The following PLXNA4 variants were observed in gnomAD, a reference collection of about 807,000 sequenced individuals.
The protein encoded by PLXNA4 is plexin A4, also known as plexin-A4.
A neutral mutation model predicts 191.8 loss-of-function variants in PLXNA4; 44 were observed. The ratio of observed to expected loss-of-function variants is 0.23; its 90% confidence interval spans 0.18 to 0.29. The LOEUF (loss-of-function observed/expected upper bound fraction) is 0.29, where lower values mean the gene tolerates loss of function less well. PLXNA4 is among the 10% of genes least tolerant of loss of function. PLXNA4 has a pLI of 1.00. For synonymous variants in PLXNA4, 1,082 were observed against 1,009.5 expected (o/e 1.07, Z -1.36); for missense variants, 1,800 against 2,488.8 (o/e 0.72, Z 5.89).
In PLXNA4 at chr7:132,211,065, T is replaced by A; in HGVS notation, c.2176A>T (p.Asn726Tyr). ...TGCCCAGACTGGGGCTGGGGGAGGTTCTTGGCCTTCAGCGTGATAGGCTTG... is the reference window on the plus strand; with the variant it reads ...TGCCCAGACTGGGGCTGGGGGAGGTACTTGGCCTTCAGCGTGATAGGCTTG... ...VIKPITLKAK[N>Y]LPQPQSGQRG... The change falls in exon 10 of 32, where the codon AAC becomes TAC. Residue 726 changes from asparagine (N) to tyrosine (Y), a missense_variant. This residue lies in a region of PLXNA4 where 1,397 missense variants were observed against 1,880.4 expected (regional missense o/e 0.74). Transcript: ENST00000321063. 1 of 1,610,704 alleles carries A rather than the reference T, an allele frequency of 6.2e-7. No individual in the cohort carries two copies. The highest frequency in any genetic ancestry group is 8.5e-7 in the Non-Finnish European group (1 of 1,178,504).
At chr7:132,489,917 G>A (rs1797717668) in intron 2 of PLXNA4, among the ~76,000 whole-genome samples, 1 of 152,218 alleles carries the variant, frequency 6.6e-6, no homozygotes, top group South Asian at 2.1e-4. Context: ...GAGGAATGTG[G>A]TCTTCGTATC....
At chr7:132,159,443 G>C (rs777185785) in intron 25 of PLXNA4, 30 bp downstream of exon 25, 4 of 1,611,370 alleles carry the variant, frequency 2.5e-6, no homozygotes, top group Middle Eastern at 1.6e-4. Flanking sequence ...GCAGCCACAA[G>C]GACAGCCCCT....
chr7:132,385,882 C>T lies in PLXNA4; in HGVS notation c.1372-87660G>A, dbSNP rs553014912. ...ATCATAAGCACAAATCAAAATCTAT[C>T]CACTCAATTAAATCTGAACCTAGCT... On this transcript the variant is annotated intron_variant, in intron 3 of 31. Transcript: ENST00000321063. Among the ~76,000 whole-genome samples, 3 of 152,308 alleles carry T rather than the reference C, an allele frequency of 2.0e-5. No homozygotes were observed. The South Asian group carries it at 6.2e-4, about 32-fold the overall frequency.
intron 1 of PLXNA4, among the ~76,000 whole-genome samples, chr7:132,521,011 G>C (rs1339499040): frequency 6.6e-6 from 1 of 152,050 alleles, no homozygotes; most frequent in Non-Finnish European, 1.5e-5. Context: ...AAATCAGGAA[G>C]TGAACAGTTG....
chr7:132,616,150 C>T (rs564532335), intron 2 of PLXNA4, among the ~76,000 whole-genome samples: 1 of 152,284 alleles, frequency 6.6e-6, no homozygotes, highest in Admixed American at 6.5e-5. Context: ...CTCTACCTGA[C>T]ACACACATGG....
chr7:132,444,809 A>AT (rs1795834528), intron 3 of PLXNA4, among the ~76,000 whole-genome samples: 1 of 151,476 alleles, frequency 6.6e-6, no homozygotes, highest in Non-Finnish European at 1.5e-5. Flanking sequence ...ATGCAAAATC[A>AT]TTCTTCTGGA....
chr7:132,404,499 G>A (rs1794128546), intron 3 of PLXNA4, among the ~76,000 whole-genome samples: 2 of 152,160 alleles, frequency 1.3e-5, no homozygotes, highest in Admixed American at 6.5e-5. Context: ...GGCAGAACAG[G>A]ATGGCCACAC....
intron 3 of PLXNA4, among the ~76,000 whole-genome samples, chr7:132,358,555 T>A (rs527579053): frequency 6.6e-6 from 1 of 152,342 alleles, no homozygotes; most frequent in African/African-American, 2.4e-5. Flanking sequence ...AATCTTTGGG[T>A]ATGGCCGTTT....
At chr7:132,635,170 T>TTATTTATATATATATATA (rs1470708373) in intron 2 of PLXNA4, among the ~76,000 whole-genome samples, 16 of 131,814 alleles carry the variant, frequency 1.2e-4, no homozygotes, top group Non-Finnish European at 1.9e-4. Context: ...AAACTCCCCT[T>TTATTTATATATATATATA]TATATATATA....
intron 3 of PLXNA4, among the ~76,000 whole-genome samples, chr7:132,416,252 G>A (rs1304366947): frequency 2.0e-5 from 3 of 152,168 alleles, no homozygotes; most frequent in Admixed American, 1.3e-4. Flanking sequence ...TTCCCATCTA[G>A]AAAGGACAAG....
At chr7:132,625,598 C>T (rs1803354626) in intron 2 of PLXNA4, among the ~76,000 whole-genome samples, 1 of 152,112 alleles carries the variant, frequency 6.6e-6, no homozygotes, top group Admixed American at 6.6e-5. Context: ...AGTTACAGGC[C>T]TGAGATCCCC....
At chr7:132,238,814 A>AGGG (rs5887557) in intron 5 of PLXNA4, among the ~76,000 whole-genome samples, 1 of 146,374 alleles carries the variant, frequency 6.8e-6, no homozygotes, top group African/African-American at 2.5e-5. Context: ...GAGTCACAAG[A>AGGG]GGGGGGGGGG....
At chr7:132,409,292 G>A (rs576886431) in intron 3 of PLXNA4, among the ~76,000 whole-genome samples, 1 of 152,124 alleles carries the variant, frequency 6.6e-6, no homozygotes, top group Non-Finnish European at 1.5e-5. Context: ...TAGATGGCTT[G>A]GTGGCCCACA....
intron 16 of PLXNA4, among the ~76,000 whole-genome samples, chr7:132,184,523 T>C (rs1796813391): frequency 6.6e-6 from 1 of 152,188 alleles, no homozygotes; most frequent in Non-Finnish European, 1.5e-5. Flanking sequence ...TCCATCTCCC[T>C]TGATGGGAGA....
At chr7:132,307,199 A>C (rs1801557711) in intron 3 of PLXNA4, among the ~76,000 whole-genome samples, 1 of 152,084 alleles carries the variant, frequency 6.6e-6, no homozygotes, top group Admixed American at 6.5e-5. Context: ...CACTCATAGA[A>C]GCACCTCACA....
At chr7:132,468,739 CACACACACACACACACAAT>C (rs919125490) in intron 3 of PLXNA4, among the ~76,000 whole-genome samples, 4 of 124,822 alleles carry the variant, frequency 3.2e-5, no homozygotes, top group Non-Finnish European at 6.8e-5. Flanking sequence ...CACACGCACA[CACACACACACACACACAAT>C]ACACACACAC....
chr7:132,181,701 G>T, intron 17 of PLXNA4, 81 bp from the exon 18 acceptor site: 1 of 1,553,172 alleles, frequency 6.4e-7, no homozygotes, highest in East Asian at 2.3e-5. Context: ...GGCCTCCCTG[G>T]ATGTCATCGG....
intron 5 of PLXNA4, among the ~76,000 whole-genome samples, chr7:132,232,409 C>A (rs1647660477): frequency 6.6e-6 from 1 of 152,114 alleles, no homozygotes; most frequent in African/African-American, 2.4e-5. Flanking sequence ...CAGTGTCACC[C>A]CCGCCCCAAA....
At chr7:132,432,256 C>T in intron 3 of PLXNA4, among the ~76,000 whole-genome samples, 1 of 152,194 alleles carries the variant, frequency 6.6e-6, no homozygotes, top group East Asian at 1.9e-4. Flanking sequence ...GTCCTCTCTG[C>T]AACTCCCTTC....
Sources: allele counts gnomAD v4.1 joint callset (sites outside exome capture counted in the v4.1 genomes callset), GRCh38; gene constraint gnomAD v4.1.1; regional missense constraint gnomAD v4.1.1; transcripts MANE v1.5; gene names NCBI Gene and HGNC (gene_info 2026-07-23, HGNC 2026-07-21).